SLC35F3: variants seen among roughly 807,000 people sequenced by gnomAD.
SLC35F3 encodes solute carrier family 35 member F3.
SLC35F3 carries 25 observed loss-of-function variants against 49.9 expected under a neutral mutation model. The ratio of observed to expected loss-of-function variants is 0.50; its 90% CI spans 0.37 to 0.70. SLC35F3 has a LOEUF of 0.70. Ranked by LOEUF, SLC35F3 falls within the 30% of genes least tolerant of loss-of-function variation. The pLI is 0.00. For synonymous variants in SLC35F3, 275 were observed against 265.4 expected (o/e 1.04, Z -0.35); for missense variants, 525 against 639.8 (o/e 0.82, Z 1.94).
intron 2 of SLC35F3, among the ~76,000 whole-genome samples, chr1:233,976,773 G>A (rs1017524399): frequency 6.6e-6 from 1 of 152,054 alleles, no homozygotes; most frequent in African/African-American, 2.4e-5. Context: ...ACCACGCCCA[G>A]CTAATTTTTG....
At chr1:234,156,375 C>T (rs940738845) in intron 2 of SLC35F3, among the ~76,000 whole-genome samples, 13 of 152,164 alleles carry the variant, frequency 8.5e-5, no homozygotes, top group African/African-American at 2.4e-4. Context: ...CACTGTAACC[C>T]CGCAGTACCA....
At chr1:233,960,089 A>G (rs775476191) in intron 2 of SLC35F3, among the ~76,000 whole-genome samples, 19 of 152,194 alleles carry the variant, frequency 1.2e-4, no homozygotes, top group Non-Finnish European at 2.1e-4. Flanking sequence ...GATTGTTGCA[A>G]TCTAGATCCC....
At chr1:233,930,454 T>C (rs778023242) in intron 2 of SLC35F3, among the ~76,000 whole-genome samples, 27 of 152,324 alleles carry the variant, frequency 1.8e-4, no homozygotes, top group Non-Finnish European at 2.9e-4. Flanking sequence ...ATGAGAACTA[T>C]TGAACAATTT....
At chr1:234,127,217 C>T (rs1197630309) in intron 2 of SLC35F3, among the ~76,000 whole-genome samples, 1 of 152,186 alleles carries the variant, frequency 6.6e-6, no homozygotes, top group African/African-American at 2.4e-5. Flanking sequence ...ATCAATTTTT[C>T]TGTGCTCACT....
chr1:234,205,698 A>G (rs140895876), intron 2 of SLC35F3, among the ~76,000 whole-genome samples: 20 of 152,358 alleles, frequency 1.3e-4, no homozygotes, highest in African/African-American at 3.1e-4. Flanking sequence ...TTTGAGATAG[A>G]TGGAGAGAAG....
rs758901800 is a variant in SLC35F3 at position 234,323,238 on chromosome 1, C to T, written c.1468C>T (p.Arg490Cys). The part of the protein sequence containing the change: ...KNRRARPSFA[R>C] ...CAGAAGAGCCCGCCCTTCCTTCGCCCGCTAACACCACTCCTCTAGAACTCG... is the reference window on the plus strand; with the variant it reads ...CAGAAGAGCCCGCCCTTCCTTCGCCTGCTAACACCACTCCTCTAGAACTCG... The change falls in exon 8 of 8, where the codon CGC becomes TGC. Residue 490 changes from arginine to cysteine, a missense_variant. Physicochemically the swap from Arg to Cys is radical, Grantham distance 180. Around this residue, in one of 4 missense-constraint regions of SLC35F3, gnomAD observed 76 missense variants for 95.6 expected, o/e 0.80. Coordinates refer to ENST00000366618, the MANE Select transcript of SLC35F3 (RefSeq NM_173508.4). This position sits in a 1 kb window ranked among gnomAD's most constrained non-coding sequence, Gnocchi z 4.5. 4.9e-5 allele frequency: 79 copies of T among 1,613,162 alleles called. No homozygotes were observed. The highest frequency in any genetic ancestry group is 6.4e-5 in the Non-Finnish European group (75 of 1,179,686).
At chr1:234,279,147 A>G (rs1296290649) in intron 3 of SLC35F3, among the ~76,000 whole-genome samples, 1 of 152,156 alleles carries the variant, frequency 6.6e-6, no homozygotes, top group Non-Finnish European at 1.5e-5. Flanking sequence ...CTCCAAGCAA[A>G]GGCAGGACAA....
chr1:233,939,285 G>C (rs1662384219), intron 2 of SLC35F3, among the ~76,000 whole-genome samples: 5 of 151,956 alleles, frequency 3.3e-5, no homozygotes, highest in Admixed American at 2.6e-4. Context: ...CACCCTGTCT[G>C]TGCAAAAAAA....
intron 2 of SLC35F3, among the ~76,000 whole-genome samples, chr1:233,997,967 G>A (rs1166860523): frequency 2.6e-5 from 4 of 152,086 alleles, no homozygotes; most frequent in African/African-American, 9.7e-5. Context: ...GGTCAGGCTG[G>A]TCTCGAACTC....
In SLC35F3 at chr1:234,054,242, A is replaced by G. The variant is rs147358862; in HGVS notation, c.283+148484A>G. Among the ~76,000 whole-genome samples, 224 of 152,312 alleles carry G rather than the reference A, an allele frequency of 1.5e-3. 1 individual carries two copies. Among genetic ancestry groups the G allele is most frequent in the African/African-American group, 5.2e-3 (216 of 41,562 alleles). ...ATAATATCCTGCAAAGTGTTTTCCAACTTGGTTCCATTCTCCCTGTCACTT... is the reference window on the plus strand; with the variant it reads ...ATAATATCCTGCAAAGTGTTTTCCAGCTTGGTTCCATTCTCCCTGTCACTT... On this transcript the variant is annotated intron_variant, in intron 2 of 7. Coordinates refer to ENST00000366618, the MANE Select transcript of SLC35F3 (RefSeq NM_173508.4).
At chr1:233,966,760 T>C (rs1317531211) in intron 2 of SLC35F3, among the ~76,000 whole-genome samples, 4 of 152,234 alleles carry the variant, frequency 2.6e-5, no homozygotes, top group Non-Finnish European at 4.4e-5. Flanking sequence ...ACAAGCTAAT[T>C]CTGCAAAGGA....
chr1:234,322,650 CGTGTGTGTGTGT>C (rs55827503), intron 7 of SLC35F3, among the ~76,000 whole-genome samples: 4,409 of 144,954 alleles, frequency 0.03, 178 homozygotes, highest in Admixed American at 0.11. Flanking sequence ...GGGTCAAATG[CGTGTGTGTGTGT>C]GTGTGTGTGT....
intron 2 of SLC35F3, among the ~76,000 whole-genome samples, chr1:233,979,716 G>T (rs1034859447): frequency 6.6e-6 from 1 of 152,214 alleles, no homozygotes; most frequent in Non-Finnish European, 1.5e-5. Flanking sequence ...TGGGGTTAAT[G>T]CACTGGGGCC....
chr1:234,021,026 C>T (rs534940216), intron 2 of SLC35F3, among the ~76,000 whole-genome samples: 33 of 152,190 alleles, frequency 2.2e-4, no homozygotes, highest in Non-Finnish European at 3.5e-4. Flanking sequence ...TTGGAAAGAA[C>T]TTCTATCCAG....
chr1:234,092,138 C>A (rs1306985182), intron 2 of SLC35F3, among the ~76,000 whole-genome samples: 1 of 152,098 alleles, frequency 6.6e-6, no homozygotes, highest in East Asian at 1.9e-4. Context: ...GAAGACACAC[C>A]CAGAGGGAAG....
intron 2 of SLC35F3, among the ~76,000 whole-genome samples, chr1:234,080,215 G>A (rs1041396039): frequency 6.6e-6 from 1 of 152,168 alleles, no homozygotes; most frequent in African/African-American, 2.4e-5. Flanking sequence ...GTTGGAGTTT[G>A]GGGGAGCTTC....
intron 2 of SLC35F3, among the ~76,000 whole-genome samples, chr1:234,067,152 T>C (rs1414207344): frequency 2.0e-5 from 3 of 148,910 alleles, no homozygotes; most frequent in African/African-American, 7.3e-5. Context: ...GCAGAGGCAA[T>C]TGTGATTTTT....
intron 2 of SLC35F3, among the ~76,000 whole-genome samples, chr1:234,140,843 G>A (rs1665904803): frequency 6.6e-6 from 1 of 152,122 alleles, no homozygotes; most frequent in Non-Finnish European, 1.5e-5. Flanking sequence ...GGTAAATTTT[G>A]CCCAAATGAA....
chr1:234,286,074 T>C (rs1668414537), intron 3 of SLC35F3, among the ~76,000 whole-genome samples: 1 of 152,194 alleles, frequency 6.6e-6, no homozygotes, highest in Admixed American at 6.5e-5. Context: ...TCAGAGAGCA[T>C]AGTGATATCG....
Sources: gnomAD v4.1 joint callset for allele counts (sites outside exome capture counted in the v4.1 genomes callset) on GRCh38, gnomAD v4.1.1 for gene constraint, gnomAD v4.1.1 regional missense constraint, Gnocchi (gnomAD v3.1) non-coding constraint, MANE v1.5 for transcripts, NCBI Gene and HGNC (gene_info 2026-07-23, HGNC 2026-07-21) for gene names.